Variants in TMEFF1 observed in about 807,000 individuals in gnomAD.
TMEFF1 encodes the protein transmembrane protein with EGF like and two follistatin like domains 1.
In TMEFF1, 20 loss-of-function variants were observed where a neutral mutation model predicts 47.5. The ratio of observed to expected loss-of-function variants is 0.42; its 90% CI spans 0.30 to 0.61. TMEFF1 has a LOEUF of 0.61. Ranked by LOEUF, TMEFF1 falls within the 20% of genes least tolerant of loss-of-function variation. The pLI is 0.19. For missense variants in TMEFF1, 411 were observed against 471.1 expected, an observed-to-expected ratio of 0.87 and a Z score of 1.18; for synonymous variants, 162 against 166.3, an observed-to-expected ratio of 0.97 and a Z score of 0.20.
Position 100,547,963 on chromosome 9 carries a change from G to A in TMEFF1, c.709+71G>A, listed in dbSNP as rs534129887. On this transcript the variant is annotated intron_variant, in intron 6 of 9. Coordinates refer to ENST00000374879, the MANE Select transcript of TMEFF1 (RefSeq NM_003692.5). Reference sequence around the variant, plus strand: ...TAAATGTAATCTTATTTGTACATTTGGTAGTGTTTCAAATTTGTAAAATGA... The same window carrying A: ...TAAATGTAATCTTATTTGTACATTTAGTAGTGTTTCAAATTTGTAAAATGA... 494 of 1,325,408 alleles carry A rather than the reference G, an allele frequency of 3.7e-4. No homozygotes were observed. The African/African-American group carries it at 6.1e-3, about 16-fold the overall frequency. The allele number at this position is 1,325,408 out of a possible 1,614,324, so 82.1% of individuals were successfully genotyped here.
intron 7 of TMEFF1, among the ~76,000 whole-genome samples, chr9:100,554,930 C>A (rs563646918): frequency 6.6e-6 from 1 of 152,152 alleles, no homozygotes; most frequent in Admixed American, 6.5e-5. Flanking sequence ...AATAGCAACT[C>A]CTCATGCTTT....
At chr9:100,538,392 A>G (rs575863694) in intron 5 of TMEFF1, among the ~76,000 whole-genome samples, 2 of 152,256 alleles carry the variant, frequency 1.3e-5, no homozygotes, top group South Asian at 4.1e-4. Flanking sequence ...GTCTGTCAGT[A>G]TTTGGGGGGA....
chr9:100,496,727 G>A (rs971998495), intron 1 of TMEFF1, among the ~76,000 whole-genome samples: 4 of 152,194 alleles, frequency 2.6e-5, no homozygotes, highest in Non-Finnish European at 5.9e-5. Context: ...CAATTCAAGA[G>A]TCTCAAAGTA....
At chr9:100,481,863 C>T (rs1029440559) in intron 1 of TMEFF1, among the ~76,000 whole-genome samples, 6 of 152,112 alleles carry the variant, frequency 3.9e-5, no homozygotes, top group African/African-American at 1.4e-4. Flanking sequence ...CTCAGTGCAA[C>T]CTCCGCCTCC....
At chr9:100,551,268 C>T (rs1838823254) in intron 7 of TMEFF1, among the ~76,000 whole-genome samples, 1 of 152,210 alleles carries the variant, frequency 6.6e-6, no homozygotes, top group Non-Finnish European at 1.5e-5. Flanking sequence ...GTGCTTTGAA[C>T]AGTATCGGAT....
At position 100,473,763 on chromosome 9, in the gene TMEFF1, C is replaced by G; in HGVS notation, c.196+23C>G. On this transcript the variant is annotated intron_variant, in intron 1 of 9. Transcript: ENST00000374879. The surrounding 1 kb of genome is among the most constrained non-coding windows in gnomAD (Gnocchi z 5.4). ...CAGGTAGGACCGGTCGGAGCCGGCC[C>G]TAGGTCTTCCCACCCCTCCGTTGCC... 3 of 1,466,552 alleles carry G rather than the reference C, an allele frequency of 2.0e-6. No homozygotes were observed. The highest frequency in any genetic ancestry group is 2.7e-6 in the Non-Finnish European group (3 of 1,100,182). The allele number at this position is 1,466,552 out of a possible 1,614,324, so 90.8% of individuals were successfully genotyped here. A position where few individuals can be genotyped will look rare whatever the true frequency, so the allele number is the denominator to read the frequency against.
intron 3 of TMEFF1, among the ~76,000 whole-genome samples, chr9:100,509,403 C>T (rs991982490): frequency 6.6e-6 from 1 of 152,042 alleles, no homozygotes; most frequent in African/African-American, 2.4e-5. Flanking sequence ...TGTCCTTTGC[C>T]TTATGATTTG....
At chr9:100,505,057 C>A (rs1291661956) in intron 2 of TMEFF1, among the ~76,000 whole-genome samples, 1 of 151,782 alleles carries the variant, frequency 6.6e-6, no homozygotes, top group South Asian at 2.1e-4. Flanking sequence ...GGTATGATTA[C>A]CATAGAAGAA....
intron 8 of TMEFF1, among the ~76,000 whole-genome samples, chr9:100,567,365 C>T (rs1382035224): frequency 6.6e-6 from 1 of 152,208 alleles, no homozygotes; most frequent in African/African-American, 2.4e-5. Context: ...TTGCAACCCT[C>T]CCTTCCTGCA....
intron 5 of TMEFF1, among the ~76,000 whole-genome samples, chr9:100,532,611 G>T (rs1000280202): frequency 7.9e-4 from 120 of 151,808 alleles, no homozygotes; most frequent in African/African-American, 2.6e-3. Flanking sequence ...AGGATGTGGA[G>T]AAATAGGAAC....
chr9:100,495,103 A>G (rs1436573626), intron 1 of TMEFF1, among the ~76,000 whole-genome samples: 2 of 152,122 alleles, frequency 1.3e-5, no homozygotes, highest in Admixed American at 1.3e-4. Context: ...TAATGAAGGC[A>G]CACCCTAGTC....
chr9:100,536,111 C>T (rs1160442519), intron 5 of TMEFF1, among the ~76,000 whole-genome samples: 1 of 152,120 alleles, frequency 6.6e-6, no homozygotes, highest in East Asian at 1.9e-4. Context: ...TCAAATGTAG[C>T]AGTGTGTATA....
chr9:100,556,250 A>G (rs1371850642), intron 7 of TMEFF1, among the ~76,000 whole-genome samples: 5 of 152,186 alleles, frequency 3.3e-5, no homozygotes, highest in Non-Finnish European at 7.3e-5. Flanking sequence ...TGCTTAAAAA[A>G]TACTTTTTGA....
chr9:100,541,367 C>CT (rs1838625998), intron 5 of TMEFF1, among the ~76,000 whole-genome samples: 1 of 110,794 alleles, frequency 9.0e-6, no homozygotes, highest in Non-Finnish European at 1.9e-5. Flanking sequence ...TTTTTTCTTT[C>CT]TTTCTTTCTT....
intron 5 of TMEFF1, among the ~76,000 whole-genome samples, chr9:100,526,310 T>C (rs1008649877): frequency 3.3e-5 from 5 of 152,084 alleles, no homozygotes; most frequent in Non-Finnish European, 5.9e-5. Context: ...CTTTCCTAGA[T>C]ACTTACTGAC....
intron 8 of TMEFF1, among the ~76,000 whole-genome samples, chr9:100,562,769 C>T (rs1267608927): frequency 6.6e-6 from 1 of 152,044 alleles, no homozygotes; most frequent in East Asian, 1.9e-4. Context: ...GATTCTCCTG[C>T]CTCAGCCTCC....
At chr9:100,522,128 C>A (rs1397063556) in intron 5 of TMEFF1, among the ~76,000 whole-genome samples, 1 of 152,166 alleles carries the variant, frequency 6.6e-6, no homozygotes, top group Non-Finnish European at 1.5e-5. Context: ...TGCAATATAT[C>A]CTCCTTTCTG....
intron 5 of TMEFF1, among the ~76,000 whole-genome samples, chr9:100,532,677 T>G (rs1416342084): frequency 6.6e-6 from 1 of 151,678 alleles, no homozygotes; most frequent in African/African-American, 2.4e-5. Flanking sequence ...GAAGTCAGTG[T>G]GGCGATTCCT....
intron 5 of TMEFF1, among the ~76,000 whole-genome samples, chr9:100,539,419 C>T (rs889673876): frequency 1.3e-5 from 2 of 152,148 alleles, no homozygotes; most frequent in East Asian, 3.8e-4. Flanking sequence ...GATGGTATGT[C>T]CGGAGTTTGT....
Sources: allele counts gnomAD v4.1 joint callset (sites outside exome capture counted in the v4.1 genomes callset), GRCh38; gene constraint gnomAD v4.1.1; non-coding constraint Gnocchi (gnomAD v3.1); transcripts MANE v1.5; gene names NCBI Gene and HGNC (gene_info 2026-07-23, HGNC 2026-07-21).